The following ANO6 variants were observed in gnomAD, a reference collection of about 807,000 sequenced individuals.
ANO6 encodes anoctamin-6.
A neutral mutation model predicts 117.5 loss-of-function variants in ANO6; 106 were observed. The ratio of observed to expected loss-of-function variants is 0.90; its 90% CI spans 0.77 to 1.06. The LOEUF is 1.06. ANO6 is among the 50% of genes least tolerant of loss of function. The pLI is 0.00. For missense variants in ANO6, 955 were observed against 1,121.1 expected (o/e 0.85, Z 2.12); for synonymous variants, 367 against 385.1 (o/e 0.95, Z 0.55).
intron 17 of ANO6, among the ~76,000 whole-genome samples, chr12:45,418,322 ACAAAAAC>A (rs1943266009): frequency 6.6e-6 from 1 of 152,212 alleles, no homozygotes; most frequent in African/African-American, 2.4e-5. Flanking sequence ...CAAATCGCAC[ACAAAAAC>A]CAACTACTGG....
chr12:45,244,973 GC>G (rs2137173716), intron 1 of ANO6, among the ~76,000 whole-genome samples: 1 of 152,300 alleles, frequency 6.6e-6, no homozygotes, highest in East Asian at 1.9e-4. Context: ...AGCTAGTATT[GC>G]TCTCAGGCAC....
chr12:45,410,632 G>GT (rs140395696), intron 16 of ANO6, among the ~76,000 whole-genome samples: 18 of 151,900 alleles, frequency 1.2e-4, no homozygotes, highest in African/African-American at 2.9e-4. Context: ...TTCAATTACA[G>GT]TTTTTTTTAA....
chr12:45,236,353 G>A (rs1175338384), intron 1 of ANO6, among the ~76,000 whole-genome samples: 2 of 152,064 alleles, frequency 1.3e-5, no homozygotes, highest in South Asian at 2.1e-4. Flanking sequence ...TTTACATAAA[G>A]TATTTCTCCT....
chr12:45,323,609 A>G (rs1418032843), intron 2 of ANO6, among the ~76,000 whole-genome samples: 1 of 152,156 alleles, frequency 6.6e-6, no homozygotes, highest in African/African-American at 2.4e-5. Context: ...ATCTCACTTA[A>G]TCTTCACAAT....
At chr12:45,439,297 G>A (rs1033026246) in intron 19 of ANO6, among the ~76,000 whole-genome samples, 1 of 152,182 alleles carries the variant, frequency 6.6e-6, no homozygotes, top group African/African-American at 2.4e-5. Context: ...CAACGCAAAA[G>A]GCCATTGAAA....
At chr12:45,289,833 A>T (rs927954692) in intron 1 of ANO6, among the ~76,000 whole-genome samples, 20 of 152,226 alleles carry the variant, frequency 1.3e-4, no homozygotes, top group Admixed American at 1.3e-3. Context: ...TGTATATGAC[A>T]AGCAGCTGTA....
intron 8 of ANO6, among the ~76,000 whole-genome samples, chr12:45,366,477 C>A (rs1941688994): frequency 6.6e-6 from 1 of 151,940 alleles, no homozygotes; most frequent in African/African-American, 2.4e-5. Flanking sequence ...TGTACCAGAC[C>A]CGTTTTATTG....
At chr12:45,313,559 C>T (rs545789460) in intron 2 of ANO6, 2 of 152,006 alleles carry the variant, frequency 1.3e-5, no homozygotes, top group African/African-American at 2.4e-5. Context: ...CATTACTCAG[C>T]CCTGCCATAC....
chr12:45,313,254 G>A (rs537339117), intron 2 of ANO6: 2 of 152,106 alleles, frequency 1.3e-5, no homozygotes, highest in South Asian at 4.2e-4. Context: ...GGACTCCAGG[G>A]AATTAGAAAC....
intron 3 of ANO6, among the ~76,000 whole-genome samples, chr12:45,337,386 G>A (rs1011421422): frequency 6.6e-6 from 1 of 152,126 alleles, no homozygotes; most frequent in Non-Finnish European, 1.5e-5. Context: ...GTGCAGGATT[G>A]TAGCCTGAGA....
chr12:45,245,870 A>G (rs929094340), intron 1 of ANO6, among the ~76,000 whole-genome samples: 1 of 152,070 alleles, frequency 6.6e-6, no homozygotes, highest in Admixed American at 6.6e-5. Context: ...CTATGTCTAT[A>G]GAATGAATCT....
At position 45,439,647 on chromosome 12, in the gene ANO6, CTTTT is replaced by C. The variant is rs34144696; in HGVS notation, c.2527-11_2527-8del. 3.7e-3 allele frequency: 4,129 copies of C among 1,114,250 alleles called. No individual in the cohort carries two copies. Among genetic ancestry groups the C allele is most frequent in the East Asian group, 4.4e-3 (136 of 30,730 alleles). The allele number at this position is 1,114,250 out of a possible 1,614,324, so 69.0% of individuals were successfully genotyped here. On this transcript the variant is annotated intron_variant, in intron 19 of 19. Transcript: ENST00000425752. ...GAGTATTCAAGATATGATTTAATTG[CTTTT>C]TTTTTTTTTTTTTTTTGAGACAGTA... is the stretch of plus-strand genomic sequence containing the variant.
chr12:45,425,717 C>G (rs552584068), intron 19 of ANO6, among the ~76,000 whole-genome samples: 1 of 152,288 alleles, frequency 6.6e-6, no homozygotes, highest in South Asian at 2.1e-4. Context: ...CATTTCAATC[C>G]TATACAAATG....
At chr12:45,369,148 T>G (rs1593022975) in intron 9 of ANO6, among the ~76,000 whole-genome samples, 1 of 152,190 alleles carries the variant, frequency 6.6e-6, no homozygotes. Context: ...TACACTTAAT[T>G]TAGAAATTAA....
At chr12:45,405,903 A>G (rs118064948) in intron 15 of ANO6, among the ~76,000 whole-genome samples, 2,430 of 152,214 alleles carry the variant, frequency 0.016, 58 homozygotes, top group East Asian at 0.098. Flanking sequence ...GCGAAACTCC[A>G]TCTCGAAGAA....
chr12:45,348,313 A>G lies in ANO6; in HGVS notation c.631A>G (p.Ile211Val), dbSNP rs915430766. 6.2e-7 allele frequency: 1 copy of G among 1,614,020 alleles called. No individual in the cohort carries two copies. Among genetic ancestry groups the G allele is most frequent in the Non-Finnish European group, 8.5e-7 (1 of 1,179,942 alleles). Residue 211 changes from isoleucine to valine, a missense_variant and splice_region_variant, in exon 5 of 20, where the codon ATT (isoleucine) becomes GTT (valine). Coordinates refer to ENST00000320560, the MANE Select transcript of ANO6 (RefSeq NM_001025356.3). ...AFFNPATRSR[I>V]VYFILSRVKY... is the part of the protein sequence containing the mutation. ...CTTCAATCCAGCCACCAGAAGCCGC[A>G]TTGTAAGTCTAAACCAAATTTAGTT...
chr12:45,306,946 G>A (rs1939690074), intron 2 of ANO6, among the ~76,000 whole-genome samples: 1 of 152,088 alleles, frequency 6.6e-6, no homozygotes, highest in Admixed American at 6.6e-5. Flanking sequence ...AAATCTGGAG[G>A]AAGAGCATTC....
At chr12:45,385,185 G>C (rs997014179) in intron 10 of ANO6, among the ~76,000 whole-genome samples, 7 of 152,218 alleles carry the variant, frequency 4.6e-5, no homozygotes, top group African/African-American at 1.2e-4. Context: ...CAGTGGGTAT[G>C]ATAGACAGTA....
chr12:45,392,050 C>T (rs751259537), intron 12 of ANO6, among the ~76,000 whole-genome samples: 4 of 152,162 alleles, frequency 2.6e-5, no homozygotes, highest in Middle Eastern at 3.2e-3. Context: ...GGCAGGGCAT[C>T]GCCTCACCCA....
Sources: allele counts gnomAD v4.1 joint callset (sites outside exome capture counted in the v4.1 genomes callset), GRCh38; gene constraint gnomAD v4.1.1; transcripts MANE v1.5; gene names NCBI Gene and HGNC (gene_info 2026-07-23, HGNC 2026-07-21).